ORC5: variants seen among roughly 807,000 people sequenced by gnomAD.
ORC5 encodes the protein protein phosphatase 1, regulatory subunit 117.
A neutral mutation model predicts 58.8 loss-of-function variants in ORC5; 39 were observed. That is an observed-to-expected ratio of 0.66 (90% CI 0.51 to 0.87). The LOEUF is 0.87. Ranked by LOEUF, ORC5 falls within the 40% of genes least tolerant of loss-of-function variation. The pLI, the probability that ORC5 is intolerant of heterozygous loss-of-function variation, is 0.00. For synonymous variants in ORC5, 218 were observed against 177.6 expected (o/e 1.23, Z -1.81); for missense variants, 493 against 506.3 (o/e 0.97, Z 0.25).
Position 104,165,220 on chromosome 7 carries a change from T to C in ORC5, c.1038+15A>G, listed in dbSNP as rs1799088547. ...TTTCCTAAGTTTCTTCCATTAGAAA[T>C]TAAAATGTAAATACCTTTTCGTGTT... On this transcript the variant is annotated intron_variant, in intron 11 of 13. Coordinates refer to ENST00000297431, the MANE Select transcript of ORC5 (RefSeq NM_002553.4). 1 of 1,306,640 alleles carries C rather than the reference T, an allele frequency of 7.7e-7. No homozygotes were observed. Among genetic ancestry groups the C allele is most frequent in the Non-Finnish European group, 1.1e-6 (1 of 925,594 alleles). 80.9% of individuals were successfully genotyped at this position (1,306,640 alleles called of 1,614,324 possible).
intron 4 of ORC5, 84 bp from the exon 5 acceptor site, chr7:104,195,338 T>A: frequency 1.5e-6 from 1 of 668,666 alleles, no homozygotes; most frequent in South Asian, 2.2e-5. Context: ...TTCTTTCAAA[T>A]ACATCCCCCC....
At chr7:104,170,712 T>C (rs980609745) in intron 8 of ORC5, among the ~76,000 whole-genome samples, 4 of 152,212 alleles carry the variant, frequency 2.6e-5, no homozygotes, top group Admixed American at 2.6e-4. Flanking sequence ...GAATTGATCA[T>C]TCTGGATTAA....
intron 12 of ORC5, among the ~76,000 whole-genome samples, chr7:104,145,546 G>A (rs1431093892): frequency 6.6e-6 from 1 of 151,802 alleles, no homozygotes; most frequent in African/African-American, 2.4e-5. Context: ...ACACATTTCA[G>A]GAACAAACAC....
At chr7:104,175,207 G>A (rs1272372240) in intron 8 of ORC5, among the ~76,000 whole-genome samples, 1 of 152,088 alleles carries the variant, frequency 6.6e-6, no homozygotes, top group Non-Finnish European at 1.5e-5. Context: ...TTTGCCGCTG[G>A]TAACAAAATG....
intron 12 of ORC5, among the ~76,000 whole-genome samples, chr7:104,144,044 A>C (rs551382818): frequency 2.0e-5 from 3 of 152,018 alleles, no homozygotes; most frequent in Non-Finnish European, 2.9e-5. Flanking sequence ...GCTTGAACCC[A>C]GGGGGTGGAG....
At chr7:104,128,942 G>GT (rs1476361914) in intron 13 of ORC5, among the ~76,000 whole-genome samples, 1 of 151,646 alleles carries the variant, frequency 6.6e-6, no homozygotes, top group Non-Finnish European at 1.5e-5. Flanking sequence ...TTTGAAGCAG[G>GT]TAAGATTAAA....
rs564194999 is a variant in ORC5, at chr7:104,195,047, C to A, written c.553+96G>T. ...CCATTTGAATATCAAATGGGAATAACAAAGTATTCCCATTTGAATATGCTA... is the reference window on the plus strand; with the variant it reads ...CCATTTGAATATCAAATGGGAATAAAAAAGTATTCCCATTTGAATATGCTA... On this transcript the variant is annotated intron_variant, in intron 5 of 13. Transcript: ENST00000297431. 10 of 614,688 alleles carry A rather than the reference C, an allele frequency of 1.6e-5. No homozygotes were observed. The South Asian group carries it at 2.1e-4, about 13-fold the overall frequency. The allele number at this position is 614,688 out of a possible 1,614,324, so 38.1% of individuals were successfully genotyped here. A position where few individuals can be genotyped will look rare whatever the true frequency, so the allele number is the denominator to read the frequency against.
intron 12 of ORC5, among the ~76,000 whole-genome samples, chr7:104,146,581 T>C (rs1235894694): frequency 6.6e-6 from 1 of 152,240 alleles, no homozygotes; most frequent in African/African-American, 2.4e-5. Flanking sequence ...TATATGATTA[T>C]GCTTAAACAA....
intron 12 of ORC5, among the ~76,000 whole-genome samples, chr7:104,158,003 T>A (rs1332996916): frequency 1.3e-5 from 2 of 152,144 alleles, no homozygotes; most frequent in Non-Finnish European, 2.9e-5. Flanking sequence ...ATCAGGTGAT[T>A]TTAAACTATT....
chr7:104,146,224 G>T (rs568676130), intron 12 of ORC5, among the ~76,000 whole-genome samples: 196 of 152,286 alleles, frequency 1.3e-3, no homozygotes, highest in African/African-American at 4.3e-3. Context: ...TGGCAGTATG[G>T]TTTCCACACT....
chr7:104,189,625 A>G (rs1448321117), intron 5 of ORC5, among the ~76,000 whole-genome samples: 1 of 152,150 alleles, frequency 6.6e-6, no homozygotes, highest in Admixed American at 6.5e-5. Context: ...ATCCTAAATG[A>G]TGAGGTTCTG....
At chr7:104,180,440 T>C (rs1165230940) in intron 8 of ORC5, among the ~76,000 whole-genome samples, 7 of 152,220 alleles carry the variant, frequency 4.6e-5, no homozygotes, top group African/African-American at 1.7e-4. Context: ...TATATTGCTT[T>C]TGAAGTCCTC....
chr7:104,185,859 GA>G (rs1206647434), intron 6 of ORC5, among the ~76,000 whole-genome samples: 3 of 151,514 alleles, frequency 2.0e-5, no homozygotes, highest in Non-Finnish European at 4.4e-5. Flanking sequence ...ATAAGGCACA[GA>G]AAAAGATATA....
Position 104,204,260 on chromosome 7 carries a change from G to A in ORC5, c.73-26C>T, listed in dbSNP as rs199748430. The A allele has an allele frequency of 2.1e-5, 26 of 1,253,400 alleles. No homozygotes were observed. The South Asian group carries it at 3.3e-4, about 16-fold the overall frequency. The allele number at this position is 1,253,400 out of a possible 1,614,324, so 77.6% of individuals were successfully genotyped here. A position where few individuals can be genotyped will look rare whatever the true frequency, so the allele number is the denominator to read the frequency against. On this transcript the variant is annotated intron_variant, in intron 1 of 13. Transcript: ENST00000297431. ...CTAACGAGAGAAAAGACAAATATGAGGCTGCACATACAAAATAGAAAATAA... is the reference window on the plus strand; with the variant it reads ...CTAACGAGAGAAAAGACAAATATGAAGCTGCACATACAAAATAGAAAATAA...
chr7:104,173,785 G>A (rs571588015), intron 8 of ORC5, among the ~76,000 whole-genome samples: 8 of 151,826 alleles, frequency 5.3e-5, no homozygotes, highest in Non-Finnish European at 1.2e-4. Flanking sequence ...ATTCACTTCT[G>A]GTTCTGCATG....
chr7:104,161,304 A>C, intron 11 of ORC5, 122 bp from the exon 12 acceptor site: 1 of 581,676 alleles, frequency 1.7e-6, no homozygotes, highest in Non-Finnish European at 3.0e-6. Flanking sequence ...AAATGCTAAC[A>C]AATCTAACCT....
chr7:104,181,740 C>T (rs918213073), intron 8 of ORC5, among the ~76,000 whole-genome samples: 4 of 149,194 alleles, frequency 2.7e-5, no homozygotes, highest in African/African-American at 7.4e-5. Flanking sequence ...TGTAGTGAGC[C>T]GAGATCGCGC....
Position 104,190,782 on chromosome 7 carries a change from G to T in ORC5, c.554-2401C>A, listed in dbSNP as rs145669190. ...TCAAGTTTTTTGCAAAAATTACAAG[G>T]AAAAACTCTTCCAGGATATTCTAAT... On this transcript the variant is annotated intron_variant, in intron 5 of 13. Transcript: ENST00000297431. Among the ~76,000 whole-genome samples, 1,053 of 151,826 alleles carry T rather than the reference G, an allele frequency of 6.9e-3. 7 individuals are homozygous for T. The highest frequency in any genetic ancestry group is 0.011 in the Non-Finnish European group (745 of 67,892).
At chr7:104,200,494 G>A (rs1444693978) in intron 3 of ORC5, among the ~76,000 whole-genome samples, 1 of 152,144 alleles carries the variant, frequency 6.6e-6, no homozygotes, top group African/African-American at 2.4e-5. Context: ...TCATGAAGCT[G>A]TATTGGACAC....
Sources: allele counts gnomAD v4.1 joint callset (sites outside exome capture counted in the v4.1 genomes callset), GRCh38; gene constraint gnomAD v4.1.1; transcripts MANE v1.5; gene names NCBI Gene and HGNC (gene_info 2026-07-23, HGNC 2026-07-21).